KLF5: variants seen among roughly 807,000 people sequenced by gnomAD.
The protein encoded by KLF5 is Krueppel-like factor 5.
Under a neutral mutation model 36.9 loss-of-function variants are expected in KLF5, and 9 were observed. The observed-to-expected ratio is 0.24, with a 90% CI of 0.15 to 0.43. KLF5 has a LOEUF of 0.43. Among genes scored for constraint, KLF5 ranks in the 20% least tolerant of loss-of-function variants. The pLI, the probability that KLF5 is intolerant of heterozygous loss-of-function variation, is 1.00. For synonymous variants in KLF5, 246 were observed against 241.7 expected, an observed-to-expected ratio of 1.02 and a Z score of -0.17; for missense variants, 524 against 599.5, an observed-to-expected ratio of 0.87 and a Z score of 1.31.
intron 3 of KLF5, among the ~76,000 whole-genome samples, chr13:73,071,868 T>C (rs1403139851): frequency 2.0e-5 from 3 of 152,150 alleles, no homozygotes; most frequent in Non-Finnish European, 4.4e-5. Flanking sequence ...TTTAAGTTCT[T>C]TGAGGCCAGA....
At position 73,062,771 on chromosome 13, in the gene KLF5, T is replaced by TG. The variant is rs754949298; in HGVS notation, c.1135+37_1135+38insG. The TG allele has an allele frequency of 3.7e-6, 5 of 1,369,478 alleles. No individual in the cohort carries two copies. The African/African-American group carries it at 7.3e-5, about 20-fold the overall frequency. The allele number at this position is 1,369,478 out of a possible 1,614,324, so 84.8% of individuals were successfully genotyped here. The stretch of plus-strand genomic sequence containing the variant: ...TACCTGGTTGAAGCATCAATAGATG[T>TG]AGTGTGTGTGTGTGTGTGTCTGTGT... On this transcript the variant is annotated intron_variant, in intron 2 of 3. Coordinates refer to ENST00000377687, the MANE Select transcript of KLF5 (RefSeq NM_001730.5).
At chr13:73,071,282 G>A (rs2044720351) in intron 3 of KLF5, among the ~76,000 whole-genome samples, 1 of 152,012 alleles carries the variant, frequency 6.6e-6, no homozygotes. Flanking sequence ...ATAAATTGAG[G>A]AGAGAAAGGA....
chr13:73,077,237 A>T lies in KLF5; in HGVS notation c.*1351A>T, dbSNP rs1440787444. 2 of 152,646 alleles carry T rather than the reference A, an allele frequency of 1.3e-5. No individual in the cohort carries two copies. Among genetic ancestry groups the T allele is most frequent in the Non-Finnish European group, 2.9e-5 (2 of 68,042 alleles). 9.5% of individuals were successfully genotyped at this position (152,646 alleles called of 1,614,324 possible). On this transcript the variant is annotated 3_prime_UTR_variant, in exon 4 of 4. Transcript: ENST00000377687. The stretch of plus-strand genomic sequence containing the variant: ...AGTTTTTTTAGAAGACAATTTTCAT[A>T]ACTTGATAAATTATAGTTTTGTTTG...
rs566861791 is a variant in KLF5 at position 73,061,430 on chromosome 13, C to A, written c.262-431C>A. Among the ~76,000 whole-genome samples, 22 of 152,132 alleles carry A rather than the reference C, an allele frequency of 1.4e-4. No homozygotes were observed. In the East Asian group the frequency reaches 4.0e-3, roughly 28 times the overall value. ...TCGTTTTTTCTATTAAAAAAAACCA[C>A]GCTTTTTAATGTTTGTGACTTAAAC... On this transcript the variant is annotated intron_variant, in intron 1 of 3. Transcript: ENST00000377687.
rs900600435 is a variant in KLF5, at chr13:73,076,948, A to G, written c.*1062A>G. The G allele has an allele frequency of 1.0e-4, 16 of 152,544 alleles. No homozygotes were observed. The East Asian group carries it at 2.9e-3, about 28-fold the overall frequency. The allele number at this position is 152,544 out of a possible 1,614,324, so 9.4% of individuals were successfully genotyped here. On this transcript the variant is annotated 3_prime_UTR_variant, in exon 4 of 4. Coordinates refer to ENST00000377687, the MANE Select transcript of KLF5 (RefSeq NM_001730.5). ...TTGCATGTAATACACAGTGAGACACAGTAATTTTATCTAAATTACAGTGCA... is the reference window on the plus strand; with the variant it reads ...TTGCATGTAATACACAGTGAGACACGGTAATTTTATCTAAATTACAGTGCA...
chr13:73,056,476 C>CAGA (rs1380438454), upstream of KLF5, among the ~76,000 whole-genome samples: 1 of 152,234 alleles, frequency 6.6e-6, no homozygotes, highest in Non-Finnish European at 1.5e-5. Context: ...TGTCTGGCTT[C>CAGA]AAGCCAATGT....
chr13:73,067,651 A>G (rs2044689844), intron 3 of KLF5, among the ~76,000 whole-genome samples: 1 of 152,184 alleles, frequency 6.6e-6, no homozygotes. Flanking sequence ...GTACAAAGAA[A>G]GTCTTTGAAC....
chr13:73,055,712 TTTAA>T (rs2044579109), upstream of KLF5, among the ~76,000 whole-genome samples: 1 of 152,220 alleles, frequency 6.6e-6, no homozygotes, highest in Non-Finnish European at 1.5e-5. Flanking sequence ...AAAAAGTCAC[TTTAA>T]TTAAATAATC....
intron 3 of KLF5, among the ~76,000 whole-genome samples, chr13:73,066,275 G>A (rs1386743217): frequency 6.7e-6 from 1 of 150,346 alleles, no homozygotes; most frequent in East Asian, 1.9e-4. Context: ...TCCCCACCCT[G>A]CCCGCCTGTT....
rs2044769930 is a variant in KLF5 at position 73,077,196 on chromosome 13, T to C, written c.*1310T>C. ...AAAATATTGTTTATCTTTATTTATT[T>C]TGTGGTAATATAGTAAGTTTTTTTA... On this transcript the variant is annotated 3_prime_UTR_variant, in exon 4 of 4. Transcript: ENST00000377687. 1 of 152,670 alleles carries C rather than the reference T, an allele frequency of 6.6e-6. No homozygotes were observed. Among genetic ancestry groups the C allele is most frequent in the African/African-American group, 2.4e-5 (1 of 41,458 alleles). The allele number at this position is 152,670 out of a possible 1,614,324, so 9.5% of individuals were successfully genotyped here. A position where few individuals can be genotyped will look rare whatever the true frequency, so the allele number is the denominator to read the frequency against.
At position 73,063,868 on chromosome 13, in the gene KLF5, C is replaced by T; in HGVS notation, c.1180C>T (p.Leu394=). 1 of 1,604,412 alleles carries T rather than the reference C, an allele frequency of 6.2e-7. No homozygotes were observed. Among genetic ancestry groups the T allele is most frequent in the South Asian group, 1.1e-5 (1 of 90,856 alleles). ...CAAGTCTTCTCATTTAAAAGCTCAC[C>T]TGAGGACTCACACTGGTATGTAATT... ...YTKSSHLKAH[L]RTHTGEKPYK... The change falls in exon 3 of 4, where the codon CTG becomes TTG. Residue 394 remains leucine (L), a synonymous_variant. Transcript: ENST00000377687.
Position 73,063,875 on chromosome 13 carries a change from C to A in KLF5, c.1187C>A (p.Thr396Asn). 6.3e-7 allele frequency: 1 copy of A among 1,597,674 alleles called. No individual in the cohort carries two copies. Among genetic ancestry groups the A allele is most frequent in the Non-Finnish European group, 8.6e-7 (1 of 1,165,280 alleles). ...TCTCATTTAAAAGCTCACCTGAGGA[C>A]TCACACTGGTATGTAATTTTCTTGT... Reference protein sequence around the residue: ...KSSHLKAHLRTHTGEKPYKCT... With the variant: ...KSSHLKAHLRNHTGEKPYKCT... The change falls in exon 3 of 4, where the codon ACT becomes AAT. Residue 396 changes from threonine to asparagine, a missense_variant. Around this residue, in one of 4 missense-constraint regions of KLF5, gnomAD observed 46 missense variants for 105.8 expected, o/e 0.43. Coordinates refer to ENST00000377687, the MANE Select transcript of KLF5 (RefSeq NM_001730.5).
chr13:73,060,294 T>A, intron 1 of KLF5, among the ~76,000 whole-genome samples: 1 of 152,118 alleles, frequency 6.6e-6, no homozygotes, highest in East Asian at 1.9e-4. Flanking sequence ...ACCGCCTGTT[T>A]CTTTCGCCCA....
chr13:73,061,175 C>A (rs1451431523), intron 1 of KLF5, among the ~76,000 whole-genome samples: 1 of 152,040 alleles, frequency 6.6e-6, no homozygotes, highest in Non-Finnish European at 1.5e-5. Flanking sequence ...ATTTCATTAT[C>A]ATATTAACCA....
At chr13:73,068,683 AAC>A (rs1329902118) in intron 3 of KLF5, among the ~76,000 whole-genome samples, 2 of 145,438 alleles carry the variant, frequency 1.4e-5, no homozygotes, top group African/African-American at 2.5e-5. Context: ...CAGCCTGGGC[AAC>A]AGAGTGAGAC....
At chr13:73,058,028 C>T (rs1594390607), upstream of KLF5, among the ~76,000 whole-genome samples, 3 of 152,190 alleles carry the variant, frequency 2.0e-5, no homozygotes, top group South Asian at 6.2e-4. Context: ...TTGATTGTCT[C>T]TTCGTAGGAA....
At position 73,076,154 on chromosome 13, in the gene KLF5, A is replaced by C; in HGVS notation, c.*268A>C. 19 of 183,708 alleles carry C rather than the reference A, an allele frequency of 1.0e-4. No homozygotes were observed. The highest frequency in any genetic ancestry group is 1.9e-4 in the Non-Finnish European group (17 of 89,692). 11.4% of individuals were successfully genotyped at this position (183,708 alleles called of 1,614,324 possible). On this transcript the variant is annotated 3_prime_UTR_variant, in exon 4 of 4. Transcript: ENST00000377687. Reference sequence around the variant, plus strand: ...TCATGACAGGCAGCCACGTCTCAACATGGGTAAGGGGTGGGGGTGGAGGGG... The same window carrying C: ...TCATGACAGGCAGCCACGTCTCAACCTGGGTAAGGGGTGGGGGTGGAGGGG...
intron 3 of KLF5, among the ~76,000 whole-genome samples, chr13:73,067,720 G>A (rs1286462571): frequency 1.3e-5 from 2 of 152,102 alleles, no homozygotes; most frequent in Non-Finnish European, 2.9e-5. Context: ...GACTCTGTGT[G>A]TACTAAGTGA....
chr13:73,067,606 T>G (rs1423908843), intron 3 of KLF5, among the ~76,000 whole-genome samples: 1 of 152,124 alleles, frequency 6.6e-6, no homozygotes. Flanking sequence ...TTCCCCCGTT[T>G]CAGCTATCTG....
Sources: allele counts gnomAD v4.1 joint callset (sites outside exome capture counted in the v4.1 genomes callset), GRCh38; gene constraint gnomAD v4.1.1; regional missense constraint gnomAD v4.1.1; transcripts MANE v1.5; gene names NCBI Gene and HGNC (gene_info 2026-07-23, HGNC 2026-07-21).